Variants in TBC1D14 observed in about 807,000 individuals in gnomAD.
TBC1D14 encodes the protein TBC1 domain family member 14.
A neutral mutation model predicts 79.0 loss-of-function variants in TBC1D14; 26 were observed. The observed-to-expected ratio is 0.33, with a 90% CI of 0.24 to 0.46. TBC1D14 has a LOEUF of 0.46. Ranked by LOEUF, TBC1D14 falls within the 20% of genes least tolerant of loss-of-function variation. The pLI, the probability that TBC1D14 is intolerant of heterozygous loss-of-function variation, is 1.00. For missense variants in TBC1D14, 769 were observed against 887.6 expected (o/e 0.87, Z 1.70); for synonymous variants, 394 against 349.9 (o/e 1.13, Z -1.40).
chr4:7,025,025 A>G lies in TBC1D14; in HGVS notation c.1779A>G (p.Lys593=), dbSNP rs765597168. ...CTAGGATCTTTACCTTATATAGTAAATCTCTGCCCCTCGACCTGGCCTGTC... is the reference window on the plus strand; with the variant it reads ...CTAGGATCTTTACCTTATATAGTAAGTCTCTGCCCCTCGACCTGGCCTGTC... The part of the protein sequence containing the change: ...LIDWIFTLYS[K]SLPLDLACRI... Residue 593 remains lysine, a synonymous_variant, in exon 13 of 14, where the codon AAA becomes AAG. Transcript: ENST00000409757. 1.2e-6 allele frequency: 2 copies of G among 1,614,124 alleles called. No individual in the cohort carries two copies. The highest frequency in any genetic ancestry group is 2.2e-5 in the East Asian group (1 of 44,880).
chr4:7,027,507 TCA>T (rs1722522099), intron 13 of TBC1D14, among the ~76,000 whole-genome samples: 1 of 113,826 alleles, frequency 8.8e-6, no homozygotes, highest in South Asian at 3.0e-4. Context: ...CCCCTACACC[TCA>T]CACCCAGTCA....
At chr4:6,939,921 C>T (rs1426745136) in intron 2 of TBC1D14, among the ~76,000 whole-genome samples, 1 of 152,192 alleles carries the variant, frequency 6.6e-6, no homozygotes, top group Non-Finnish European at 1.5e-5. Flanking sequence ...CTGAGGCCGG[C>T]GGGGACTGGC....
At chr4:6,961,390 C>A (rs1273181380) in intron 2 of TBC1D14, among the ~76,000 whole-genome samples, 1 of 148,716 alleles carries the variant, frequency 6.7e-6, no homozygotes, top group Non-Finnish European at 1.5e-5. Flanking sequence ...AACTGTGACC[C>A]CCCAAATCTC....
chr4:6,984,367 C>T (rs7686186), intron 3 of TBC1D14, among the ~76,000 whole-genome samples: 14,948 of 152,088 alleles, frequency 0.098, 1,234 homozygotes, highest in African/African-American at 0.22. Context: ...GTCAGGACTC[C>T]TCATTGTGGT....
intron 3 of TBC1D14, among the ~76,000 whole-genome samples, chr4:6,979,472 T>G (rs1717159504): frequency 1.3e-5 from 2 of 152,118 alleles, no homozygotes; most frequent in Admixed American, 6.5e-5. Flanking sequence ...TTGAAAAAAT[T>G]TACTTGGGCA....
intron 2 of TBC1D14, among the ~76,000 whole-genome samples, chr4:6,935,260 T>A (rs1273922266): frequency 6.6e-6 from 1 of 151,934 alleles, no homozygotes; most frequent in Non-Finnish European, 1.5e-5. Flanking sequence ...ATTGGAGAAA[T>A]ACAGGGTTTT....
intron 3 of TBC1D14, among the ~76,000 whole-genome samples, chr4:6,974,051 T>A (rs1716490659): frequency 6.6e-6 from 1 of 152,148 alleles, no homozygotes; most frequent in Non-Finnish European, 1.5e-5. Flanking sequence ...CTCGAACTCC[T>A]GACCTCAGGT....
intron 12 of TBC1D14, among the ~76,000 whole-genome samples, chr4:7,022,563 G>A (rs1721935366): frequency 6.6e-6 from 1 of 152,226 alleles, no homozygotes; most frequent in South Asian, 2.1e-4. Flanking sequence ...AGGGGACAGA[G>A]GCTGATGCCA....
At chr4:6,914,224 G>C (rs1312122465) in intron 1 of TBC1D14, among the ~76,000 whole-genome samples, 2 of 152,084 alleles carry the variant, frequency 1.3e-5, no homozygotes, top group Non-Finnish European at 2.9e-5. Flanking sequence ...TTGTGAAGGA[G>C]CCTTTGAGGA....
intron 3 of TBC1D14, chr4:6,987,297 C>G: frequency 7.3e-7 from 1 of 1,362,102 alleles, no homozygotes; most frequent in Non-Finnish European, 9.5e-7. Flanking sequence ...CGGCCCTCCG[C>G]TCGCTGGGCA....
intron 5 of TBC1D14, among the ~76,000 whole-genome samples, chr4:6,996,809 C>T (rs1030981735): frequency 5.3e-5 from 8 of 152,166 alleles, no homozygotes; most frequent in Non-Finnish European, 1.0e-4. Flanking sequence ...TAGCTTTATT[C>T]AAGAGAAAAG....
At chr4:6,949,836 C>A (rs1418022767) in intron 2 of TBC1D14, among the ~76,000 whole-genome samples, 1 of 151,400 alleles carries the variant, frequency 6.6e-6, no homozygotes, top group African/African-American at 2.4e-5. Context: ...GATGGTTTTA[C>A]AAATGTCAAG....
intron 12 of TBC1D14, among the ~76,000 whole-genome samples, chr4:7,015,552 G>A (rs1282008716): frequency 6.6e-6 from 1 of 152,172 alleles, no homozygotes; most frequent in Non-Finnish European, 1.5e-5. Flanking sequence ...ATTGGGCCAG[G>A]CAGGTCTTCA....
In TBC1D14 at chr4:7,032,786, CCACTT is replaced by C. The variant is rs1307350996; in HGVS notation, c.*2398_*2402del. 1 of 152,252 alleles carries C rather than the reference CCACTT, an allele frequency of 6.6e-6. No individual in the cohort carries two copies. Among genetic ancestry groups the C allele is most frequent in the East Asian group, 1.9e-4 (1 of 5,202 alleles). 9.4% of individuals were successfully genotyped at this position (152,252 alleles called of 1,614,324 possible). A position where few individuals can be genotyped will look rare whatever the true frequency, so the allele number is the denominator to read the frequency against. On this transcript the variant is annotated 3_prime_UTR_variant, in exon 14 of 14. Transcript: ENST00000409757. ...CTGCTCCTCCAGAGGTCTGCACACT[CCACTT>C]CACATGCCGTTGACTCTCACAGTCT...
intron 1 of TBC1D14, among the ~76,000 whole-genome samples, chr4:6,916,888 CG>C (rs1186074223): frequency 6.6e-6 from 1 of 152,200 alleles, no homozygotes; most frequent in Non-Finnish European, 1.5e-5. Flanking sequence ...TGGGCACCTA[CG>C]GATGCGTACT....
At chr4:6,932,027 G>T (rs1220064158) in intron 2 of TBC1D14, among the ~76,000 whole-genome samples, 1 of 151,970 alleles carries the variant, frequency 6.6e-6, no homozygotes, top group African/African-American at 2.4e-5. Flanking sequence ...TGAATAGACT[G>T]GTCAGGATAG....
At chr4:7,028,821 A>T (rs1406088484) in intron 13 of TBC1D14, among the ~76,000 whole-genome samples, 1 of 151,068 alleles carries the variant, frequency 6.6e-6, no homozygotes, top group Non-Finnish European at 1.5e-5. Context: ...GACACTGGTG[A>T]GCTTTCTTTT....
At chr4:6,955,370 G>C (rs943620903) in intron 2 of TBC1D14, among the ~76,000 whole-genome samples, 3 of 152,178 alleles carry the variant, frequency 2.0e-5, no homozygotes, top group African/African-American at 7.2e-5. Flanking sequence ...GCTGGGCCTC[G>C]GTGTCCTGTC....
At chr4:7,007,040 C>T (rs1166957893) in intron 9 of TBC1D14, among the ~76,000 whole-genome samples, 1 of 152,166 alleles carries the variant, frequency 6.6e-6, no homozygotes, top group African/African-American at 2.4e-5. Flanking sequence ...CTGGCGCTTT[C>T]TTGGACACTC....
Sources: gnomAD v4.1 joint callset for allele counts (sites outside exome capture counted in the v4.1 genomes callset) on GRCh38, gnomAD v4.1.1 for gene constraint, MANE v1.5 for transcripts, NCBI Gene and HGNC (gene_info 2026-07-23, HGNC 2026-07-21) for gene names.